MEIS1: variants seen among roughly 807,000 people sequenced by gnomAD.
MEIS1 encodes Meis homeobox 1.
In MEIS1, 5 loss-of-function variants were observed where a neutral mutation model predicts 50.8. The ratio of observed to expected loss-of-function variants is 0.10; its 90% CI spans 0.05 to 0.21. The LOEUF is 0.21. MEIS1 is among the 10% of genes least tolerant of loss of function. The pLI is 1.00. For missense variants in MEIS1, 318 were observed against 517.3 expected (o/e 0.61, Z 3.74); for synonymous variants, 176 against 179.3 (o/e 0.98, Z 0.15).
intron 7 of MEIS1, among the ~76,000 whole-genome samples, chr2:66,473,373 C>T (rs1261940090): frequency 5.1e-5 from 4 of 78,334 alleles, no homozygotes; most frequent in Admixed American, 1.6e-4. Flanking sequence ...AGTGAGACTC[C>T]ATGTCAAAAA....
At chr2:66,530,018 T>C (rs1392397524) in intron 8 of MEIS1, among the ~76,000 whole-genome samples, 5 of 152,158 alleles carry the variant, frequency 3.3e-5, no homozygotes, top group South Asian at 4.2e-4. Flanking sequence ...AGTAAGAACA[T>C]AGCAATAAGG....
chr2:66,571,648 C>T lies in MEIS1; in HGVS notation c.*440C>T, dbSNP rs1383697386. The T allele has an allele frequency of 2.5e-6, 3 of 1,184,182 alleles. No homozygotes were observed. The highest frequency in any genetic ancestry group is 3.1e-5 in the African/African-American group (2 of 64,022). 73.4% of individuals were successfully genotyped at this position (1,184,182 alleles called of 1,614,324 possible). On this transcript the variant is annotated 3_prime_UTR_variant, in exon 13 of 13. Coordinates refer to ENST00000272369, the MANE Select transcript of MEIS1 (RefSeq NM_002398.3). Reference sequence around the variant, plus strand: ...GGACCAAGGAGCATCCCTAATTCTTCATAGGGACCTTTAAAAAGCAGGAAA... The same window carrying T: ...GGACCAAGGAGCATCCCTAATTCTTTATAGGGACCTTTAAAAAGCAGGAAA...
chr2:66,561,370 C>T (rs1187361340), intron 9 of MEIS1, among the ~76,000 whole-genome samples: 1 of 152,026 alleles, frequency 6.6e-6, no homozygotes, highest in East Asian at 1.9e-4. Context: ...CAACTACCTT[C>T]CAATGATAAA....
At chr2:66,442,810 T>C (rs976679352) in intron 5 of MEIS1, 92 bp from the exon 6 acceptor site, 152 of 1,243,870 alleles carry the variant, frequency 1.2e-4, no homozygotes, top group Admixed American at 2.6e-4. Flanking sequence ...ATTTGGAAGT[T>C]TGGATCTCAC....
chr2:66,468,539 C>A (rs985933506), intron 7 of MEIS1, among the ~76,000 whole-genome samples: 20 of 152,182 alleles, frequency 1.3e-4, no homozygotes, highest in African/African-American at 4.6e-4. Context: ...AGGCTCAGAG[C>A]GATAAGGAGA....
intron 7 of MEIS1, among the ~76,000 whole-genome samples, chr2:66,491,166 T>G (rs980375781): frequency 6.6e-6 from 1 of 152,214 alleles, no homozygotes; most frequent in Admixed American, 6.5e-5. Context: ...CTGGGTACTC[T>G]TGATGCAATA....
chr2:66,498,349 G>A (rs1297556070), intron 7 of MEIS1, among the ~76,000 whole-genome samples: 2 of 152,154 alleles, frequency 1.3e-5, no homozygotes, highest in Non-Finnish European at 2.9e-5. Context: ...ACGGGGCTTT[G>A]GAGAGGTTAA....
intron 7 of MEIS1, among the ~76,000 whole-genome samples, chr2:66,474,180 C>T (rs1672835166): frequency 6.6e-6 from 1 of 152,012 alleles, no homozygotes; most frequent in Non-Finnish European, 1.5e-5. Context: ...TTAAATCATG[C>T]CATCCACCTA....
At chr2:66,464,905 G>T (rs375416415) in intron 7 of MEIS1, among the ~76,000 whole-genome samples, 5 of 152,178 alleles carry the variant, frequency 3.3e-5, no homozygotes, top group African/African-American at 9.7e-5. Flanking sequence ...GCAAAAGGGC[G>T]AATTGAGTAT....
chr2:66,480,994 T>G (rs1171570495), intron 7 of MEIS1, among the ~76,000 whole-genome samples: 2 of 151,482 alleles, frequency 1.3e-5, no homozygotes, highest in African/African-American at 4.9e-5. Flanking sequence ...GCCTAGAATC[T>G]CTGTTAAAAA....
At chr2:66,518,324 G>A (rs901163163) in intron 8 of MEIS1, among the ~76,000 whole-genome samples, 1 of 152,108 alleles carries the variant, frequency 6.6e-6, no homozygotes, top group East Asian at 1.9e-4. Context: ...TTCACCAATG[G>A]TTGTTTCACT....
chr2:66,506,479 G>A (rs1214936545), intron 7 of MEIS1, among the ~76,000 whole-genome samples: 1 of 152,190 alleles, frequency 6.6e-6, no homozygotes, highest in Non-Finnish European at 1.5e-5. Flanking sequence ...GTGAGTGCCA[G>A]TGCGTATGGG....
intron 9 of MEIS1, chr2:66,562,228 T>C (rs1159586029): frequency 6.6e-6 from 1 of 151,672 alleles, no homozygotes; most frequent in African/African-American, 2.4e-5. Flanking sequence ...AGAGGGAAAC[T>C]AAACTTAGCA....
chr2:66,494,983 C>T (rs1037678144), intron 7 of MEIS1, among the ~76,000 whole-genome samples: 5 of 151,944 alleles, frequency 3.3e-5, no homozygotes, highest in Non-Finnish European at 7.4e-5. Flanking sequence ...GAAATTTGCC[C>T]CTGGTTCACA....
chr2:66,466,880 C>G (rs1453549940), intron 7 of MEIS1, among the ~76,000 whole-genome samples: 1 of 151,360 alleles, frequency 6.6e-6, no homozygotes, highest in Non-Finnish European at 1.5e-5. Flanking sequence ...ATTATTTTTA[C>G]TGCATTTCTT....
intron 7 of MEIS1, among the ~76,000 whole-genome samples, chr2:66,509,345 G>A (rs1270424801): frequency 1.3e-5 from 2 of 152,194 alleles, no homozygotes. Flanking sequence ...TTCTGAACAT[G>A]CACCAGTATT....
chr2:66,522,997 G>C (rs1445799549), intron 8 of MEIS1, among the ~76,000 whole-genome samples: 2 of 152,160 alleles, frequency 1.3e-5, no homozygotes, highest in African/African-American at 4.8e-5. Flanking sequence ...ATAATGTCTA[G>C]ATATTTATTC....
rs530434252 is a variant in MEIS1, at chr2:66,456,347, A to C, written c.631-7762A>C. Among the ~76,000 whole-genome samples, 3 of 152,242 alleles carry C rather than the reference A, an allele frequency of 2.0e-5. No individual in the cohort carries two copies. In the South Asian group the frequency reaches 6.2e-4, roughly 32 times the overall value. On this transcript the variant is annotated intron_variant, in intron 6 of 12. Transcript: ENST00000272369. ...ATTTGATGCTGAAGTGTACACACTT[A>C]TGCTGTGTATAAAAATACTGGCTGG...
Position 66,571,506 on chromosome 2 carries a change from G to A in MEIS1, c.*298G>A. 1 of 1,576,278 alleles carries A rather than the reference G, an allele frequency of 6.3e-7. No homozygotes were observed. Among genetic ancestry groups the A allele is most frequent in the Non-Finnish European group, 8.6e-7 (1 of 1,161,566 alleles). ...AGGAGACCCAACAATGAGTGGACAA[G>A]TCATGGACATTCATGCTCAGTAGCT... On this transcript the variant is annotated 3_prime_UTR_variant, in exon 13 of 13. Transcript: ENST00000272369.
Sources: gnomAD v4.1 joint callset for allele counts (sites outside exome capture counted in the v4.1 genomes callset) on GRCh38, gnomAD v4.1.1 for gene constraint, MANE v1.5 for transcripts, NCBI Gene and HGNC (gene_info 2026-07-23, HGNC 2026-07-21) for gene names.